Variants in CTNNA3 observed in about 807,000 individuals in gnomAD.
CTNNA3 encodes the protein catenin alpha 3.
Under a neutral mutation model 95.7 loss-of-function variants are expected in CTNNA3, and 76 were observed. That is an observed-to-expected ratio of 0.79 (90% CI 0.66 to 0.96). CTNNA3 has a LOEUF of 0.96. Among genes scored for constraint, CTNNA3 ranks in the 40% least tolerant of loss-of-function variants. The pLI is 0.00. For missense variants in CTNNA3, 1,191 were observed against 1,089.8 expected, an observed-to-expected ratio of 1.09 and a Z score of -1.31; for synonymous variants, 431 against 374.4, an observed-to-expected ratio of 1.15 and a Z score of -1.74.
chr10:67,625,010 A>G (rs1843983329), intron 2 of CTNNA3, among the ~76,000 whole-genome samples: 1 of 151,746 alleles, frequency 6.6e-6, no homozygotes, highest in Non-Finnish European at 1.5e-5. Flanking sequence ...TGTCCTTGAG[A>G]GCTTGACTTT....
At chr10:66,653,505 A>G (rs2132421393) in intron 9 of CTNNA3, among the ~76,000 whole-genome samples, 1 of 152,236 alleles carries the variant, frequency 6.6e-6, no homozygotes, top group South Asian at 2.1e-4. Flanking sequence ...AAGAGTTTAT[A>G]TTGTTTAAAA....
At chr10:66,590,000 A>G (rs1437885203) in intron 10 of CTNNA3, among the ~76,000 whole-genome samples, 1 of 152,114 alleles carries the variant, frequency 6.6e-6, no homozygotes, top group African/African-American at 2.4e-5. Context: ...TATTGAAAGG[A>G]GTAAGATTTT....
chr10:67,695,780 A>G (rs376512102), intron 1 of CTNNA3, among the ~76,000 whole-genome samples: 17 of 152,336 alleles, frequency 1.1e-4, no homozygotes, highest in African/African-American at 3.8e-4. Context: ...TTCCCCTGGC[A>G]ATAGTTCGAA....
At chr10:66,631,759 TA>T (rs5785770) in intron 9 of CTNNA3, among the ~76,000 whole-genome samples, 56,599 of 151,544 alleles carry the variant, frequency 0.37, 10,754 homozygotes, top group Middle Eastern at 0.5. Flanking sequence ...TCTAAATGAA[TA>T]AAAAAAAGCA....
intron 7 of CTNNA3, among the ~76,000 whole-genome samples, chr10:66,996,907 A>C (rs972436186): frequency 2.9e-4 from 44 of 152,122 alleles, no homozygotes; most frequent in African/African-American, 1.0e-3. Context: ...GACAGTCTGT[A>C]ATTCAGCTTT....
intron 11 of CTNNA3, among the ~76,000 whole-genome samples, chr10:66,408,693 G>A (rs2093076533): frequency 6.6e-6 from 1 of 151,968 alleles, no homozygotes. Context: ...ATATAGCCTT[G>A]GCAATCAATG....
intron 13 of CTNNA3, among the ~76,000 whole-genome samples, chr10:66,159,988 A>G (rs919355891): frequency 2.6e-5 from 4 of 151,974 alleles, no homozygotes; most frequent in African/African-American, 9.7e-5. Context: ...GCAGCCTTGA[A>G]TGATCTTTTG....
intron 5 of CTNNA3, among the ~76,000 whole-genome samples, chr10:67,375,708 G>T (rs16924431): frequency 0.042 from 6,336 of 152,244 alleles, 188 homozygotes; most frequent in South Asian, 0.1. Flanking sequence ...TAATGAAAAG[G>T]ATTCTTCTCT....
At chr10:66,483,383 T>C (rs1195189383) in intron 11 of CTNNA3, among the ~76,000 whole-genome samples, 1 of 152,040 alleles carries the variant, frequency 6.6e-6, no homozygotes. Flanking sequence ...TTTATCATTA[T>C]TATAGATGTA....
chr10:67,401,603 C>T (rs531723955), intron 5 of CTNNA3, among the ~76,000 whole-genome samples: 23 of 152,150 alleles, frequency 1.5e-4, no homozygotes, highest in Middle Eastern at 3.4e-3. Context: ...CCCGTGGCCC[C>T]AAAGACCTAA....
At chr10:66,845,702 T>TGAAAAAAAAAA (rs1843222268) in intron 7 of CTNNA3, among the ~76,000 whole-genome samples, 1 of 1,362 alleles carries the variant, frequency 7.3e-4, no homozygotes, top group Non-Finnish European at 2.2e-3. Flanking sequence ...AAACTCTGTC[T>TGAAAAAAAAAA]CAAAAAAAAA....
intron 12 of CTNNA3, among the ~76,000 whole-genome samples, chr10:66,315,755 C>G (rs1438380377): frequency 6.6e-6 from 1 of 152,024 alleles, no homozygotes; most frequent in Non-Finnish European, 1.5e-5. Flanking sequence ...TGTAATATTT[C>G]ATCCTCAAAA....
At chr10:67,664,839 G>C (rs56332809) in intron 1 of CTNNA3, among the ~76,000 whole-genome samples, 7,963 of 152,168 alleles carry the variant, frequency 0.052, 346 homozygotes, top group African/African-American at 0.13. Flanking sequence ...GAATACACAA[G>C]TATCAAAAAT....
intron 1 of CTNNA3, among the ~76,000 whole-genome samples, chr10:67,741,817 C>T (rs576302793): frequency 1.1e-4 from 16 of 151,064 alleles, no homozygotes; most frequent in Middle Eastern, 3.5e-3. Context: ...GGAAGATCTA[C>T]CAAGCAAATG....
intron 7 of CTNNA3, among the ~76,000 whole-genome samples, chr10:67,096,125 G>T (rs1249612097): frequency 6.6e-6 from 1 of 151,682 alleles, no homozygotes; most frequent in Non-Finnish European, 1.5e-5. Flanking sequence ...ATTTCTCTAA[G>T]AACTAAGCTA....
At chr10:66,066,383 T>C (rs1285840228) in intron 15 of CTNNA3, among the ~76,000 whole-genome samples, 3 of 152,194 alleles carry the variant, frequency 2.0e-5, no homozygotes, top group African/African-American at 4.8e-5. Flanking sequence ...ATGTTATATA[T>C]GTTTGTATTA....
intron 13 of CTNNA3, among the ~76,000 whole-genome samples, chr10:66,170,394 T>C (rs1005163837): frequency 3.9e-5 from 6 of 152,022 alleles, no homozygotes; most frequent in Non-Finnish European, 7.4e-5. Context: ...TGCATGCTTC[T>C]GAAAAATTTG....
At chr10:67,726,541 TATTAC>T (rs1465191773) in intron 1 of CTNNA3, among the ~76,000 whole-genome samples, 4 of 75,180 alleles carry the variant, frequency 5.3e-5, no homozygotes, top group Admixed American at 2.4e-4. Context: ...TATTATTATA[TATTAC>T]ATATTATATA....
intron 7 of CTNNA3, among the ~76,000 whole-genome samples, chr10:67,110,177 C>A (rs1858846964): frequency 6.6e-6 from 1 of 152,310 alleles, no homozygotes; most frequent in African/African-American, 2.4e-5. Flanking sequence ...ATAACTACTT[C>A]TATTAAATAC....
Sources: allele counts gnomAD v4.1 joint callset (sites outside exome capture counted in the v4.1 genomes callset), GRCh38; gene constraint gnomAD v4.1.1; transcripts MANE v1.5; gene names NCBI Gene and HGNC (gene_info 2026-07-23, HGNC 2026-07-21).